EPB41L4A: variants seen among roughly 807,000 people sequenced by gnomAD.
EPB41L4A encodes erythrocyte membrane protein band 4.1 like 4A.
In EPB41L4A, 100 loss-of-function variants were observed where a neutral mutation model predicts 108.6. That is an observed-to-expected ratio of 0.92 (90% confidence interval 0.78 to 1.09). The LOEUF (loss-of-function observed/expected upper bound fraction) is 1.09. Among genes scored for constraint, EPB41L4A ranks in the 50% least tolerant of loss-of-function variants. The pLI, the probability that EPB41L4A is intolerant of heterozygous loss-of-function variation, is 0.00. For synonymous variants in EPB41L4A, 319 were observed against 289.0 expected, an observed-to-expected ratio of 1.10 and a Z score of -1.05; for missense variants, 1,030 against 842.7, an observed-to-expected ratio of 1.22 and a Z score of -2.75.
rs1760139417 is a variant in EPB41L4A at position 112,164,932 on chromosome 5, C to A, written c.*58G>T. The A allele has an allele frequency of 2.0e-6, 3 of 1,482,716 alleles. No individual in the cohort carries two copies. Among genetic ancestry groups the A allele is most frequent in the South Asian group, 1.4e-5 (1 of 69,458 alleles). 91.8% of individuals were successfully genotyped at this position (1,482,716 alleles called of 1,614,324 possible). On this transcript the variant is annotated 3_prime_UTR_variant, in exon 23 of 23. Transcript: ENST00000261486. ...AATTAAGATACCTATTTCACAGTTT[C>A]AAAAGTACCAGTGGCGCACACAACC...
rs577944078 is a variant in EPB41L4A at position 112,358,954 on chromosome 5, T to C, written c.100-51464A>G. Among the ~76,000 whole-genome samples, 4 of 152,348 alleles carry C rather than the reference T, an allele frequency of 2.6e-5. No individual in the cohort carries two copies. In the East Asian group the frequency reaches 7.7e-4, roughly 29 times the overall value. ...AACAGACACAAAAATATATATATTG[T>C]ATTATTCCTTTTATACAATGTCAAA... On this transcript the variant is annotated intron_variant, in intron 1 of 22. Transcript: ENST00000261486.
intron 16 of EPB41L4A, among the ~76,000 whole-genome samples, chr5:112,195,233 C>A (rs1312727983): frequency 6.6e-6 from 1 of 152,014 alleles, no homozygotes; most frequent in Non-Finnish European, 1.5e-5. Flanking sequence ...AGGTCCCAGG[C>A]CTCCAGCCTT....
chr5:112,145,766 C>T, intron 13 of EPB41L4A: 1 of 321,830 alleles, frequency 3.1e-6, no homozygotes, highest in East Asian at 8.7e-5. Context: ...AACCAAATCA[C>T]TGTAAAAAGA....
Position 112,412,222 on chromosome 5 carries a change from T to G in EPB41L4A, c.99+6719A>C, listed in dbSNP as rs79254322. Among the ~76,000 whole-genome samples, 310 of 152,334 alleles carry G rather than the reference T, an allele frequency of 2.0e-3. 1 individual carries two copies. Among genetic ancestry groups the G allele is most frequent in the African/African-American group, 7.1e-3 (296 of 41,580 alleles). The stretch of plus-strand genomic sequence containing the variant: ...TTTCCCTGCCTGTCCCCATCTCTCT[T>G]GTTCTAACTTCCTCTTGGCATGTCA... On this transcript the variant is annotated intron_variant, in intron 1 of 22. Transcript: ENST00000261486.
At chr5:112,226,596 GT>G (rs1748470836) in intron 12 of EPB41L4A, among the ~76,000 whole-genome samples, 1 of 152,094 alleles carries the variant, frequency 6.6e-6, no homozygotes, top group African/African-American at 2.4e-5. Flanking sequence ...ACTGTAAGAA[GT>G]TTGTTCTTTC....
chr5:112,371,253 C>T (rs1033441813), intron 1 of EPB41L4A, among the ~76,000 whole-genome samples: 1 of 152,260 alleles, frequency 6.6e-6, no homozygotes, highest in African/African-American at 2.4e-5. Context: ...TCCTGCTTAG[C>T]GTTTTAAATA....
chr5:112,217,352 T>C (rs961155454), intron 12 of EPB41L4A, among the ~76,000 whole-genome samples: 6 of 152,204 alleles, frequency 3.9e-5, no homozygotes, highest in East Asian at 1.9e-4. Context: ...CAATGGCTAA[T>C]TGTTTAAGTT....
At chr5:112,347,957 T>A (rs767329906) in intron 1 of EPB41L4A, among the ~76,000 whole-genome samples, 5 of 152,200 alleles carry the variant, frequency 3.3e-5, no homozygotes, top group Admixed American at 6.5e-5. Flanking sequence ...ACGGGAAACC[T>A]TCAAAGGCTC....
chr5:112,362,013 G>C (rs567338141), intron 1 of EPB41L4A, among the ~76,000 whole-genome samples: 2 of 152,142 alleles, frequency 1.3e-5, no homozygotes, highest in Admixed American at 1.3e-4. Context: ...TTAAATTCTT[G>C]GTCTTGTTGG....
At chr5:112,176,224 A>G (rs763803042) in intron 18 of EPB41L4A, among the ~76,000 whole-genome samples, 2 of 152,214 alleles carry the variant, frequency 1.3e-5, no homozygotes, top group Non-Finnish European at 2.9e-5. Context: ...GGATCAGGTA[A>G]TAAGCTGAAG....
chr5:112,355,160 A>G (rs1355281686), intron 1 of EPB41L4A, among the ~76,000 whole-genome samples: 1 of 152,240 alleles, frequency 6.6e-6, no homozygotes. Flanking sequence ...AATATAATCT[A>G]TTTCATTAAC....
chr5:112,347,073 CT>C (rs1757727750), intron 1 of EPB41L4A, among the ~76,000 whole-genome samples: 2 of 152,240 alleles, frequency 1.3e-5, no homozygotes, highest in African/African-American at 4.8e-5. Flanking sequence ...GTGCTAAGAT[CT>C]ACACAAAATT....
chr5:112,157,091 G>C (rs140302176), intron 12 of EPB41L4A, among the ~76,000 whole-genome samples: 8 of 151,338 alleles, frequency 5.3e-5, no homozygotes, highest in Admixed American at 5.3e-4. Context: ...TGACACAGGA[G>C]AGACAAATAG....
chr5:112,187,016 T>C (rs1761463337), intron 17 of EPB41L4A, among the ~76,000 whole-genome samples: 1 of 152,224 alleles, frequency 6.6e-6, no homozygotes, highest in East Asian at 1.9e-4. Context: ...CCAAATAGTT[T>C]TTTGCTCCTT....
rs2150183130 is a variant in EPB41L4A at position 112,163,271 on chromosome 5, T to TG, written c.*1718dup. 1 of 152,338 alleles carries TG rather than the reference T, an allele frequency of 6.6e-6. No homozygotes were observed. The highest frequency in any genetic ancestry group is 2.4e-5 in the African/African-American group (1 of 41,576). 9.4% of individuals were successfully genotyped at this position (152,338 alleles called of 1,614,324 possible). A position where few individuals can be genotyped will look rare whatever the true frequency, so the allele number is the denominator to read the frequency against. The stretch of plus-strand genomic sequence containing the variant: ...GCTAGGTGTCCAGCTTGCACACTGA[T>TG]GAGCATAATGACCCTAGATTCAGCT... On this transcript the variant is annotated 3_prime_UTR_variant, in exon 23 of 23. Coordinates refer to ENST00000261486, the MANE Select transcript of EPB41L4A (RefSeq NM_022140.5).
intron 1 of EPB41L4A, among the ~76,000 whole-genome samples, chr5:112,338,678 C>T (rs1757076831): frequency 1.3e-5 from 2 of 152,194 alleles, no homozygotes; most frequent in Admixed American, 6.5e-5. Context: ...CACATACACA[C>T]ATTGTGTATT....
chr5:112,161,688 C>A (rs535212117), downstream of EPB41L4A: 1 of 495,812 alleles, frequency 2.0e-6, no homozygotes, highest in Non-Finnish European at 4.0e-6. Flanking sequence ...TTAGCCAGTT[C>A]TAATTTTTGT....
intron 9 of EPB41L4A, among the ~76,000 whole-genome samples, chr5:112,244,340 G>A (rs908113964): frequency 6.6e-6 from 1 of 152,160 alleles, no homozygotes; most frequent in African/African-American, 2.4e-5. Context: ...AAAGATCACT[G>A]ATCACAGATC....
At chr5:112,197,430 A>T (rs969990288) in intron 15 of EPB41L4A, among the ~76,000 whole-genome samples, 5 of 152,174 alleles carry the variant, frequency 3.3e-5, no homozygotes, top group Admixed American at 1.3e-4. Context: ...TCTTACATCA[A>T]ATTTTGGGGT....
Sources: gnomAD v4.1 joint callset for allele counts (sites outside exome capture counted in the v4.1 genomes callset) on GRCh38, gnomAD v4.1.1 for gene constraint, MANE v1.5 for transcripts, NCBI Gene and HGNC (gene_info 2026-07-23, HGNC 2026-07-21) for gene names.